Variants in DCHS2 observed in about 807,000 individuals in gnomAD.
The protein encoded by DCHS2 is protocadherin-23.
DCHS2 carries 142 observed loss-of-function variants against 182.4 expected under a neutral mutation model. That is an observed-to-expected ratio of 0.78 (90% confidence interval 0.68 to 0.89). The LOEUF (loss-of-function observed/expected upper bound fraction) is 0.89. Ranked by LOEUF, DCHS2 falls within the 40% of genes least tolerant of loss-of-function variation. The pLI is 0.00. For synonymous variants in DCHS2, 1,740 were observed against 1,663.3 expected, an observed-to-expected ratio of 1.05 and a Z score of -1.12; for missense variants, 4,319 against 4,198.6, an observed-to-expected ratio of 1.03 and a Z score of -0.79.
intron 1 of DCHS2, among the ~76,000 whole-genome samples, chr4:154,383,726 A>G (rs1040584916): frequency 9.9e-5 from 15 of 152,096 alleles, no homozygotes; most frequent in African/African-American, 3.4e-4. Context: ...AGCCATTTAT[A>G]TCAGCCAGAC....
intron 14 of DCHS2, chr4:154,269,350 A>C (rs1472226605): frequency 6.6e-6 from 1 of 152,500 alleles, no homozygotes; most frequent in Non-Finnish European, 1.5e-5. Flanking sequence ...GTTGTTAGTG[A>C]AAAAAGGTAT....
Position 154,233,530 on chromosome 4 carries a change from A to G in DCHS2, c.*1006T>C, listed in dbSNP as rs1020900776. The G allele has an allele frequency of 6.6e-6, 1 of 152,204 alleles. No homozygotes were observed. The highest frequency in any genetic ancestry group is 2.4e-5 in the African/African-American group (1 of 41,464). The allele number at this position is 152,204 out of a possible 1,614,324, so 9.4% of individuals were successfully genotyped here. A position where few individuals can be genotyped will look rare whatever the true frequency, so the allele number is the denominator to read the frequency against. ...TAAAAATATATTGCTAAATTACTCT[A>G]TGAGATTTATCATTAGCTAATGACA... On this transcript the variant is annotated 3_prime_UTR_variant, in exon 20 of 20. Coordinates refer to ENST00000357232, the MANE Select transcript of DCHS2 (RefSeq NM_001358235.2).
chr4:154,324,603 A>G (rs528253120), intron 7 of DCHS2, among the ~76,000 whole-genome samples: 17 of 152,314 alleles, frequency 1.1e-4, no homozygotes, highest in African/African-American at 3.8e-4. Flanking sequence ...TTCTTCAATA[A>G]AATCTGAACA....
intron 2 of DCHS2, among the ~76,000 whole-genome samples, chr4:154,372,957 C>A (rs1236658511): frequency 6.6e-6 from 1 of 152,054 alleles, no homozygotes; most frequent in Non-Finnish European, 1.5e-5. Context: ...TCTTAGTAAC[C>A]ACCAGCAAAT....
At chr4:154,294,451 TA>T (rs1401881976) in intron 13 of DCHS2, among the ~76,000 whole-genome samples, 5 of 152,172 alleles carry the variant, frequency 3.3e-5, no homozygotes, top group Admixed American at 1.3e-4. Context: ...ATGCTTGATC[TA>T]ATATTTTTTA....
Position 154,232,346 on chromosome 4 carries a change from C to G in DCHS2, c.*2190G>C, listed in dbSNP as rs1053480678. 6.6e-6 allele frequency: 1 copy of G among 152,112 alleles called. No individual in the cohort carries two copies. Among genetic ancestry groups the G allele is most frequent in the Admixed American group, 6.6e-5 (1 of 15,230 alleles). 9.4% of individuals were successfully genotyped at this position (152,112 alleles called of 1,614,324 possible). A position where few individuals can be genotyped will look rare whatever the true frequency, so the allele number is the denominator to read the frequency against. On this transcript the variant is annotated 3_prime_UTR_variant, in exon 20 of 20. Transcript: ENST00000357232. ...TAGTACTTGTTTGGTGGCATTGTGG[C>G]ACTGGATACAGACTGATAAACCCAT...
At position 154,319,901 on chromosome 4, in the gene DCHS2, A is replaced by C. The variant is rs551731300; in HGVS notation, c.5020+478T>G. Among the ~76,000 whole-genome samples, 691 of 152,268 alleles carry C rather than the reference A, an allele frequency of 4.5e-3. 4 individuals carry two copies. The highest frequency in any genetic ancestry group is 0.016 in the African/African-American group (658 of 41,544). ...GTAACACACCCATGTTTACTGCAGC[A>C]CCATCCACAATAGCTAAGATGTGGC... On this transcript the variant is annotated intron_variant, in intron 9 of 19. Coordinates refer to ENST00000357232, the MANE Select transcript of DCHS2 (RefSeq NM_001358235.2).
chr4:154,465,695 A>T (rs970050217), intron 1 of DCHS2, among the ~76,000 whole-genome samples: 1 of 151,984 alleles, frequency 6.6e-6, no homozygotes, highest in African/African-American at 2.4e-5. Flanking sequence ...ACATACCATT[A>T]CTTCTACCAT....
At chr4:154,435,351 C>T (rs1386904043) in intron 1 of DCHS2, among the ~76,000 whole-genome samples, 2 of 152,108 alleles carry the variant, frequency 1.3e-5, no homozygotes, top group Non-Finnish European at 2.9e-5. Context: ...AATCCCAGCA[C>T]TTTGGGAGGC....
chr4:154,446,088 T>C (rs928554037), intron 1 of DCHS2, among the ~76,000 whole-genome samples: 1 of 152,202 alleles, frequency 6.6e-6, no homozygotes, highest in Non-Finnish European at 1.5e-5. Context: ...CTTCTCCTTT[T>C]CCAATAATGA....
intron 1 of DCHS2, among the ~76,000 whole-genome samples, chr4:154,476,034 C>T (rs1018757084): frequency 3.9e-5 from 6 of 152,152 alleles, no homozygotes; most frequent in Non-Finnish European, 8.8e-5. Flanking sequence ...TGGCATTTCT[C>T]CAAAAACAAG....
At chr4:154,486,519 A>T in intron 1 of DCHS2, 2 of 1,304,560 alleles carry the variant, frequency 1.5e-6, no homozygotes, top group Non-Finnish European at 2.0e-6. Flanking sequence ...AGCAGATATA[A>T]GCTGTAAAAG....
At chr4:154,410,164 C>T (rs1732566128) in intron 1 of DCHS2, among the ~76,000 whole-genome samples, 1 of 151,212 alleles carries the variant, frequency 6.6e-6, no homozygotes, top group Non-Finnish European at 1.5e-5. Flanking sequence ...GTAACTGACC[C>T]CAAAGAAAAG....
In DCHS2 at chr4:154,239,283, A is replaced by G; in HGVS notation, c.7379T>C (p.Ile2460Thr). 6.2e-7 allele frequency: 1 copy of G among 1,612,792 alleles called. No individual in the cohort carries two copies. The highest frequency in any genetic ancestry group is 1.3e-5 in the African/African-American group (1 of 74,976). The change falls in exon 19 of 20, where the codon ATA becomes ACA. Residue 2460 changes from isoleucine (I) to threonine (T), a missense_variant. By Grantham distance (89) the Ile-to-Thr change is moderately conservative. Coordinates refer to ENST00000357232, the MANE Select transcript of DCHS2 (RefSeq NM_001358235.2). ...AGTCAGCACTGAATACCCCACAGGT[A>G]TTGATTCAGGAACTGTGACCTGAGG... Reference protein sequence around the residue: ...DFYQVTVPESIPVGYSVLTLS... With the variant: ...DFYQVTVPESTPVGYSVLTLS...
intron 13 of DCHS2, among the ~76,000 whole-genome samples, chr4:154,273,372 T>C (rs2111213495): frequency 6.6e-6 from 1 of 152,192 alleles, no homozygotes; most frequent in South Asian, 2.1e-4. Flanking sequence ...AACCAAACAT[T>C]GTGTATTCTC....
chr4:154,475,653 G>T (rs1168851864), intron 1 of DCHS2, among the ~76,000 whole-genome samples: 1 of 152,138 alleles, frequency 6.6e-6, no homozygotes, highest in African/African-American at 2.4e-5. Context: ...CCTTTATGTA[G>T]TAAATATTTC....
At chr4:154,451,686 C>T (rs1428907734) in intron 1 of DCHS2, among the ~76,000 whole-genome samples, 1 of 152,122 alleles carries the variant, frequency 6.6e-6, no homozygotes, top group Admixed American at 6.5e-5. Context: ...AGGACAGCAG[C>T]GAAGGGAAAT....
At chr4:154,367,532 A>G (rs1730440994) in intron 2 of DCHS2, among the ~76,000 whole-genome samples, 1 of 152,188 alleles carries the variant, frequency 6.6e-6, no homozygotes, top group African/African-American at 2.4e-5. Flanking sequence ...GGAGAAAGAG[A>G]GCAAATGAAA....
intron 10 of DCHS2, among the ~76,000 whole-genome samples, chr4:154,310,211 C>G (rs1735619334): frequency 6.6e-6 from 1 of 152,120 alleles, no homozygotes; most frequent in South Asian, 2.1e-4. Context: ...TTGGCATAAA[C>G]CTGGGGAATA....
Sources: gnomAD v4.1 joint callset for allele counts (sites outside exome capture counted in the v4.1 genomes callset) on GRCh38, gnomAD v4.1.1 for gene constraint, MANE v1.5 for transcripts, NCBI Gene and HGNC (gene_info 2026-07-23, HGNC 2026-07-21) for gene names.